Variants in EFR3A observed in about 807,000 individuals in gnomAD.
EFR3A encodes the protein EFR3 homolog A.
A neutral mutation model predicts 104.4 loss-of-function variants in EFR3A; 76 were observed. That is an observed-to-expected ratio of 0.73 (90% CI 0.60 to 0.88). The LOEUF (loss-of-function observed/expected upper bound fraction) is 0.88, where lower values mean the gene tolerates loss of function less well. Among genes scored for constraint, EFR3A ranks in the 40% least tolerant of loss-of-function variants. The probability of loss-of-function intolerance (pLI) is 0.00; values close to 1 mark genes in which losing one functional copy is unlikely to be tolerated. For missense variants in EFR3A, 985 were observed against 1,012.5 expected, an observed-to-expected ratio of 0.97 and a Z score of 0.37; for synonymous variants, 330 against 330.0, an observed-to-expected ratio of 1.00 and a Z score of 0.00.
chr8:131,985,528 TTAA>T (rs1820829244), intron 16 of EFR3A, among the ~76,000 whole-genome samples: 1 of 152,228 alleles, frequency 6.6e-6, no homozygotes, highest in Non-Finnish European at 1.5e-5. Context: ...TTTGCATGAC[TTAA>T]TAAACATTTC....
chr8:131,953,612 G>A (rs1818818558), intron 5 of EFR3A, among the ~76,000 whole-genome samples: 1 of 152,022 alleles, frequency 6.6e-6, no homozygotes. Flanking sequence ...TTAAGAACAT[G>A]ATATTTGAAG....
intron 1 of EFR3A, among the ~76,000 whole-genome samples, chr8:131,907,844 T>G (rs1186172414): frequency 6.7e-6 from 1 of 148,512 alleles, no homozygotes; most frequent in African/African-American, 2.5e-5. Flanking sequence ...ATCTCCCTCC[T>G]TCCTCCCTTC....
Position 131,946,464 on chromosome 8 carries a change from C to CT in EFR3A, c.216-14dup, listed in dbSNP as rs1166296020. On this transcript the variant is annotated intron_variant, in intron 3 of 22. Coordinates refer to ENST00000254624, the MANE Select transcript of EFR3A (RefSeq NM_015137.6). ...AGAGAGGTAGAAATGCTTTGACATT[C>CT]TTTTTCTCCTACATGTAGGTATGTT... is the stretch of plus-strand genomic sequence containing the variant. The CT allele has an allele frequency of 6.6e-7, 1 of 1,519,360 alleles. No homozygotes were observed. Among genetic ancestry groups the CT allele is most frequent in the Admixed American group, 2.2e-5 (1 of 45,834 alleles). 94.1% of individuals were successfully genotyped at this position (1,519,360 alleles called of 1,614,324 possible). A position where few individuals can be genotyped will look rare whatever the true frequency, so the allele number is the denominator to read the frequency against.
At chr8:132,010,301 C>T (rs538733778) in intron 22 of EFR3A, among the ~76,000 whole-genome samples, 6 of 150,072 alleles carry the variant, frequency 4.0e-5, no homozygotes, top group Admixed American at 3.3e-4. Flanking sequence ...GACAATCAGT[C>T]GGAATAAAAT....
chr8:131,954,662 A>T (rs1818886642), intron 6 of EFR3A, among the ~76,000 whole-genome samples: 1 of 149,558 alleles, frequency 6.7e-6, no homozygotes. Flanking sequence ...AATATTTTAA[A>T]TATTTAATAT....
chr8:132,008,087 T>G (rs567236352), intron 22 of EFR3A, among the ~76,000 whole-genome samples: 1 of 152,090 alleles, frequency 6.6e-6, no homozygotes, highest in South Asian at 2.1e-4. Context: ...AATTGGTAAA[T>G]TGGTCTTCAT....
chr8:131,935,240 T>TA (rs1222732369), intron 1 of EFR3A, among the ~76,000 whole-genome samples: 1 of 152,186 alleles, frequency 6.6e-6, no homozygotes, highest in Non-Finnish European at 1.5e-5. Flanking sequence ...TTTTATAGCG[T>TA]ATAGGAGCAG....
chr8:131,964,797 G>A (rs926287000), intron 8 of EFR3A, among the ~76,000 whole-genome samples: 45 of 152,196 alleles, frequency 3.0e-4, no homozygotes, highest in African/African-American at 9.4e-4. Flanking sequence ...GAGTCATCAC[G>A]CTACCTGACT....
rs1820321128 is a variant in EFR3A at position 131,976,226 on chromosome 8, T to C, written c.1274+85T>C. On this transcript the variant is annotated intron_variant, in intron 11 of 22. Transcript: ENST00000254624. Reference sequence around the variant, plus strand: ...TCTAGAAAATGTTAACGTTTTGTTTTTTTTTAAAAATCATTAGTAATAGCA... The same window carrying C: ...TCTAGAAAATGTTAACGTTTTGTTTCTTTTTAAAAATCATTAGTAATAGCA... The C allele has an allele frequency of 4.3e-6, 4 of 934,154 alleles. No homozygotes were observed. In the South Asian group the frequency reaches 6.4e-5, roughly 15 times the overall value. The allele number at this position is 934,154 out of a possible 1,614,324, so 57.9% of individuals were successfully genotyped here.
intron 14 of EFR3A, among the ~76,000 whole-genome samples, chr8:131,982,636 CTATG>C (rs1476770211): frequency 3.3e-5 from 5 of 152,076 alleles, no homozygotes; most frequent in East Asian, 1.9e-4. Flanking sequence ...AATATGGTGA[CTATG>C]TAGTAGGTAA....
At chr8:131,910,696 T>C (rs1287141270) in intron 1 of EFR3A, among the ~76,000 whole-genome samples, 1 of 152,204 alleles carries the variant, frequency 6.6e-6, no homozygotes, top group Non-Finnish European at 1.5e-5. Context: ...GCCCTTTTTT[T>C]CATGGGTCAA....
At chr8:132,008,869 A>T (rs1027339642) in intron 22 of EFR3A, among the ~76,000 whole-genome samples, 5 of 149,274 alleles carry the variant, frequency 3.3e-5, no homozygotes, top group African/African-American at 1.2e-4. Flanking sequence ...AAAAAAAAAA[A>T]AAAAAGAAAG....
intron 1 of EFR3A, chr8:131,924,251 A>T (rs1271514983): frequency 4.2e-6 from 1 of 235,532 alleles, no homozygotes; most frequent in African/African-American, 2.4e-5. Context: ...ATTAATAAAT[A>T]TCTAATTATT....
intron 4 of EFR3A, among the ~76,000 whole-genome samples, chr8:131,947,554 G>A (rs780576649): frequency 1.3e-5 from 2 of 150,700 alleles, no homozygotes; most frequent in African/African-American, 4.9e-5. Context: ...TTTGTTGTTG[G>A]TGTGTAATGT....
At chr8:131,996,322 G>A in intron 18 of EFR3A, 84 bp from the exon 19 acceptor site, 1 of 841,820 alleles carries the variant, frequency 1.2e-6, no homozygotes, top group South Asian at 2.1e-5. Context: ...GACAGTTTTT[G>A]AAATCTGAAA....
chr8:131,957,470 C>T (rs1819066657), intron 7 of EFR3A, among the ~76,000 whole-genome samples: 1 of 151,704 alleles, frequency 6.6e-6, no homozygotes, highest in African/African-American at 2.4e-5. Flanking sequence ...CCTGCCTCAG[C>T]CTCCCGAGTA....
intron 2 of EFR3A, among the ~76,000 whole-genome samples, chr8:131,941,010 A>G (rs1255658877): frequency 6.6e-6 from 1 of 152,090 alleles, no homozygotes; most frequent in Non-Finnish European, 1.5e-5. Flanking sequence ...GTTGTACTAG[A>G]CAAATGAAGT....
chr8:131,966,156 C>T (rs953176924), intron 8 of EFR3A, among the ~76,000 whole-genome samples: 1 of 152,070 alleles, frequency 6.6e-6, no homozygotes, highest in Non-Finnish European at 1.5e-5. Context: ...CACATGTATA[C>T]ATATGTCACA....
chr8:131,963,680 C>A, intron 8 of EFR3A, among the ~76,000 whole-genome samples: 1 of 152,104 alleles, frequency 6.6e-6, no homozygotes, highest in Non-Finnish European at 1.5e-5. Context: ...GAAACTATTC[C>A]AATCAATAGA....
Sources: gnomAD v4.1 joint callset for allele counts (sites outside exome capture counted in the v4.1 genomes callset) on GRCh38, gnomAD v4.1.1 for gene constraint, MANE v1.5 for transcripts, NCBI Gene and HGNC (gene_info 2026-07-23, HGNC 2026-07-21) for gene names.